SYN3: variants seen among roughly 807,000 people sequenced by gnomAD.
SYN3 encodes synapsin III.
In SYN3, 35 loss-of-function variants were observed where a neutral mutation model predicts 65.8. The observed-to-expected ratio is 0.53, with a 90% CI of 0.41 to 0.70. SYN3 has a LOEUF of 0.70. Among genes scored for constraint, SYN3 ranks in the 30% least tolerant of loss-of-function variants. The pLI is 0.00. For synonymous variants in SYN3, 270 were observed against 292.9 expected (o/e 0.92, Z 0.80); for missense variants, 680 against 749.0 (o/e 0.91, Z 1.08).
At chr22:32,770,653 A>G (rs1468446216) in intron 6 of SYN3, among the ~76,000 whole-genome samples, 2 of 152,058 alleles carry the variant, frequency 1.3e-5, no homozygotes, top group African/African-American at 2.4e-5. Flanking sequence ...TACCCATCAT[A>G]TAATACAGCA....
At chr22:32,684,140 A>T (rs1366229432) in intron 6 of SYN3, among the ~76,000 whole-genome samples, 4 of 152,172 alleles carry the variant, frequency 2.6e-5, no homozygotes, top group Non-Finnish European at 4.4e-5. Flanking sequence ...ACAATGATTG[A>T]TCCAGTGGGG....
At chr22:32,683,578 C>T (rs1356456631) in intron 6 of SYN3, among the ~76,000 whole-genome samples, 8 of 152,106 alleles carry the variant, frequency 5.3e-5, no homozygotes, top group African/African-American at 1.9e-4. Flanking sequence ...CAATCTTTGG[C>T]GTTCCTTGGC....
chr22:32,757,763 C>T (rs1038217673), intron 6 of SYN3, among the ~76,000 whole-genome samples: 5 of 152,150 alleles, frequency 3.3e-5, no homozygotes, highest in African/African-American at 1.2e-4. Flanking sequence ...CTTAGTATTA[C>T]CATGCCCTGT....
chr22:32,599,644 C>G (rs971591753), intron 6 of SYN3, among the ~76,000 whole-genome samples: 4 of 152,104 alleles, frequency 2.6e-5, no homozygotes, highest in African/African-American at 9.7e-5. Flanking sequence ...TCTTGACTCT[C>G]CATCAAGCAC....
chr22:32,598,294 TTA>T (rs1302479652), intron 6 of SYN3, among the ~76,000 whole-genome samples: 3 of 152,152 alleles, frequency 2.0e-5, no homozygotes, highest in Non-Finnish European at 4.4e-5. Context: ...TCATCTCATT[TTA>T]CCCCCACACT....
chr22:32,541,553 C>A lies in SYN3; in HGVS notation c.917+18G>T, dbSNP rs750029312. ...GCCTTCCTCCCACACTCCCCCAGCC[C>A]CTGCCCCAGAGACTCACATGTAAGC... On this transcript the variant is annotated intron_variant, in intron 8 of 13. Coordinates refer to ENST00000358763, the MANE Select transcript of SYN3 (RefSeq NM_003490.4). The A allele has an allele frequency of 3.7e-6, 6 of 1,613,932 alleles. No individual in the cohort carries two copies. The Admixed American group carries it at 1.0e-4, about 27-fold the overall frequency.
rs758481584 is a variant in SYN3, at chr22:32,533,702, T to G, written c.1095+91A>C. On this transcript the variant is annotated intron_variant, in intron 10 of 13. Transcript: ENST00000358763. ...GTGTGCCCTGGAGCCAGGACACAGC[T>G]GATGGTGCCAAAGACCATGCAGGGA... 49 of 868,254 alleles carry G rather than the reference T, an allele frequency of 5.6e-5. No individual in the cohort carries two copies. In the East Asian group the frequency reaches 1.2e-3, roughly 22 times the overall value. 53.8% of individuals were successfully genotyped at this position (868,254 alleles called of 1,614,324 possible).
chr22:32,632,517 T>G (rs1271437788), intron 6 of SYN3, among the ~76,000 whole-genome samples: 5 of 152,172 alleles, frequency 3.3e-5, no homozygotes, highest in Non-Finnish European at 7.4e-5. Context: ...ACCTTCCCTT[T>G]GGGGCCTTCG....
intron 7 of SYN3, among the ~76,000 whole-genome samples, chr22:32,554,756 G>A (rs537041515): frequency 3.0e-4 from 45 of 152,236 alleles, no homozygotes; most frequent in Non-Finnish European, 5.9e-4. Context: ...GTGTGCTCTC[G>A]CCATTGCTCC....
At chr22:32,872,524 C>A (rs2048876149) in intron 4 of SYN3, among the ~76,000 whole-genome samples, 1 of 152,112 alleles carries the variant, frequency 6.6e-6, no homozygotes, top group African/African-American at 2.4e-5. Context: ...AGTCTCAGAT[C>A]TAATATGTGA....
intron 1 of SYN3, among the ~76,000 whole-genome samples, chr22:33,024,313 C>A (rs1352997875): frequency 6.6e-6 from 1 of 152,176 alleles, no homozygotes; most frequent in Non-Finnish European, 1.5e-5. Flanking sequence ...CTCTAATATG[C>A]GCCCATATCA....
chr22:32,800,641 C>G (rs941363515), intron 6 of SYN3, among the ~76,000 whole-genome samples: 3 of 152,206 alleles, frequency 2.0e-5, no homozygotes, highest in Non-Finnish European at 4.4e-5. Flanking sequence ...GATCCTGGAT[C>G]GTTCTCCTGG....
At chr22:32,556,596 G>A (rs571473991) in intron 7 of SYN3, among the ~76,000 whole-genome samples, 1 of 152,226 alleles carries the variant, frequency 6.6e-6, no homozygotes, top group East Asian at 1.9e-4. Flanking sequence ...TCGAGTTTGG[G>A]AACTGGAGCC....
chr22:33,047,897 A>G (rs1357265879), intron 1 of SYN3, among the ~76,000 whole-genome samples: 1 of 150,536 alleles, frequency 6.6e-6, no homozygotes, highest in African/African-American at 2.4e-5. Context: ...GAACCAACAC[A>G]GAGAGGTTAG....
In SYN3 at chr22:32,938,698, G is replaced by A. The variant is rs917178603; in HGVS notation, c.370-7217C>T. Among the ~76,000 whole-genome samples, 6 of 152,222 alleles carry A rather than the reference G, an allele frequency of 3.9e-5. No homozygotes were observed. The East Asian group carries it at 5.8e-4, about 15-fold the overall frequency. ...TCCCAGCACTTTGGGAGGCCAAGAC[G>A]GGTGGATAACCTGAGGTCAGGAGTT... On this transcript the variant is annotated intron_variant, in intron 3 of 13. Coordinates refer to ENST00000358763, the MANE Select transcript of SYN3 (RefSeq NM_003490.4).
chr22:32,554,910 C>T (rs926674370), intron 7 of SYN3, among the ~76,000 whole-genome samples: 13 of 152,304 alleles, frequency 8.5e-5, no homozygotes, highest in South Asian at 4.1e-4. Flanking sequence ...TCCTCATCAA[C>T]GAAATGTGGA....
At chr22:32,595,321 T>A (rs5754162) in intron 7 of SYN3, among the ~76,000 whole-genome samples, 56,920 of 151,948 alleles carry the variant, frequency 0.37, 10,934 homozygotes, top group South Asian at 0.46. Context: ...CAAGTAGAGA[T>A]GAACAGAGCC....
At chr22:32,649,079 T>C (rs1030114706) in intron 6 of SYN3, among the ~76,000 whole-genome samples, 1 of 152,246 alleles carries the variant, frequency 6.6e-6, no homozygotes, top group African/African-American at 2.4e-5. Context: ...GGTGACTTGA[T>C]AGTTTCTTCC....
intron 6 of SYN3, among the ~76,000 whole-genome samples, chr22:32,620,943 C>A (rs1165882823): frequency 7.9e-6 from 1 of 126,206 alleles, no homozygotes. Context: ...TGGTCTCGAA[C>A]TCCTGACCTC....
Sources: gnomAD v4.1 joint callset for allele counts (sites outside exome capture counted in the v4.1 genomes callset) on GRCh38, gnomAD v4.1.1 for gene constraint, MANE v1.5 for transcripts, NCBI Gene and HGNC (gene_info 2026-07-23, HGNC 2026-07-21) for gene names.